PARD3B: variants seen among roughly 807,000 people sequenced by gnomAD.
PARD3B encodes par-3 family cell polarity regulator beta.
PARD3B carries 103 observed loss-of-function variants against 130.2 expected under a neutral mutation model. The observed-to-expected ratio is 0.79, with a 90% CI of 0.67 to 0.93. The LOEUF is 0.93. Among genes scored for constraint, PARD3B ranks in the 40% least tolerant of loss-of-function variants. The pLI, the probability that PARD3B is intolerant of heterozygous loss-of-function variation, is 0.00. For synonymous variants in PARD3B, 583 were observed against 553.2 expected (o/e 1.05, Z -0.76); for missense variants, 1,609 against 1,499.2 (o/e 1.07, Z -1.21).
chr2:204,686,919 C>T (rs560219802), intron 2 of PARD3B, among the ~76,000 whole-genome samples: 2 of 152,118 alleles, frequency 1.3e-5, no homozygotes, highest in Non-Finnish European at 1.5e-5. Context: ...GCAATACACA[C>T]GATTATTGCT....
At chr2:204,876,927 C>T (rs116673858) in intron 2 of PARD3B, among the ~76,000 whole-genome samples, 3,948 of 152,194 alleles carry the variant, frequency 0.026, 88 homozygotes, top group Admixed American at 0.058. Context: ...TGCAGGTCCA[C>T]GTACACATGT....
intron 1 of PARD3B, among the ~76,000 whole-genome samples, chr2:204,547,024 T>G (rs938909987): frequency 3.3e-4 from 50 of 152,336 alleles, no homozygotes; most frequent in African/African-American, 1.2e-3. Flanking sequence ...ATGTCCCAAA[T>G]GCTCCTCAAA....
At chr2:205,492,507 G>A (rs1426920781) in intron 20 of PARD3B, among the ~76,000 whole-genome samples, 3 of 152,216 alleles carry the variant, frequency 2.0e-5, no homozygotes, top group South Asian at 4.1e-4. Context: ...AATTTGAAAT[G>A]GGGGCTACCT....
In PARD3B at chr2:205,553,342, G is replaced by C. The variant is rs930720504; in HGVS notation, c.3199G>C (p.Asp1067His). ...TCCACAGGTGCCTGGAAGGGGTCCA[G>C]ATGGGAATGCACACAACCTCCGCTT... Reference protein sequence around the residue: ...DLLWVPGRGPDGNAHNLRFEG... With the variant: ...DLLWVPGRGPHGNAHNLRFEG... The change falls in exon 22 of 23, where the codon GAT becomes CAT. Residue 1067 changes from aspartate (D) to histidine (H), a missense_variant. Coordinates refer to ENST00000406610, the MANE Select transcript of PARD3B (RefSeq NM_001302769.2). 2 of 1,613,908 alleles carry C rather than the reference G, an allele frequency of 1.2e-6. No homozygotes were observed. Among genetic ancestry groups the C allele is most frequent in the Admixed American group, 1.7e-5 (1 of 60,006 alleles).
intron 1 of PARD3B, among the ~76,000 whole-genome samples, chr2:204,565,549 TACTATCAATTTCATCAGAAACATCTAA>T: frequency 6.6e-6 from 1 of 152,324 alleles, no homozygotes; most frequent in East Asian, 1.9e-4. Flanking sequence ...ATATTAACAT[TACTATCAATTTCATCAGAAACATCTAA>T]GTATTGAGAA....
chr2:205,221,927 G>T (rs1176886572), intron 15 of PARD3B, among the ~76,000 whole-genome samples: 1 of 152,036 alleles, frequency 6.6e-6, no homozygotes, highest in Non-Finnish European at 1.5e-5. Context: ...ACATAGAGGG[G>T]AACAACACAC....
intron 22 of PARD3B, among the ~76,000 whole-genome samples, chr2:205,608,168 T>C (rs748793064): frequency 6.6e-6 from 1 of 152,092 alleles, no homozygotes; most frequent in Non-Finnish European, 1.5e-5. Flanking sequence ...GAGTGTTCTG[T>C]CTCCAGGTAG....
intron 22 of PARD3B, among the ~76,000 whole-genome samples, chr2:205,593,957 TGAG>T (rs2054481626): frequency 6.6e-6 from 1 of 152,296 alleles, no homozygotes; most frequent in East Asian, 1.9e-4. Context: ...TCCACTCTTA[TGAG>T]AAGAAAAGCA....
At chr2:204,853,189 A>G (rs182630212) in intron 2 of PARD3B, among the ~76,000 whole-genome samples, 57 of 152,220 alleles carry the variant, frequency 3.7e-4, no homozygotes, top group African/African-American at 1.2e-3. Context: ...TCTAGCTCCG[A>G]TTTGATAAAC....
chr2:205,443,423 C>G (rs899976755), intron 20 of PARD3B, among the ~76,000 whole-genome samples: 1 of 152,148 alleles, frequency 6.6e-6, no homozygotes, highest in African/African-American at 2.4e-5. Context: ...GATTAAGAAA[C>G]AGTCCCAGGC....
intron 19 of PARD3B, among the ~76,000 whole-genome samples, chr2:205,420,340 T>C (rs1350917582): frequency 6.6e-6 from 1 of 152,206 alleles, no homozygotes; most frequent in South Asian, 2.1e-4. Context: ...TTTAGTAGTA[T>C]TAGGTCATTT....
At chr2:205,489,567 T>TACATATATACATATATATACAC (rs775077563) in intron 20 of PARD3B, among the ~76,000 whole-genome samples, 7 of 147,718 alleles carry the variant, frequency 4.7e-5, no homozygotes, top group African/African-American at 1.5e-4. Flanking sequence ...TACATATATA[T>TACATATATACATATATATACAC]ACACACACAC....
chr2:205,065,821 A>AG (rs71032433), intron 4 of PARD3B, among the ~76,000 whole-genome samples: 152,321 of 152,322 alleles, frequency 1, 76,160 homozygotes, highest in Non-Finnish European at 1. Flanking sequence ...GCCAGAAGCC[A>AG]GGCCATGCCC....
chr2:204,764,738 G>GTGTGTGTGTGTA (rs1417175688), intron 2 of PARD3B, among the ~76,000 whole-genome samples: 1 of 151,854 alleles, frequency 6.6e-6, no homozygotes, highest in Non-Finnish European at 1.5e-5. Flanking sequence ...GTGTGTGTGT[G>GTGTGTGTGTGTA]TGTGTAGTTA....
intron 2 of PARD3B, among the ~76,000 whole-genome samples, chr2:204,824,601 C>T (rs2043497356): frequency 6.6e-6 from 1 of 152,160 alleles, no homozygotes; most frequent in South Asian, 2.1e-4. Context: ...TAGTCTTCTT[C>T]CCACTTCATT....
chr2:204,706,391 A>C (rs2125288542), intron 2 of PARD3B, among the ~76,000 whole-genome samples: 1 of 151,400 alleles, frequency 6.6e-6, no homozygotes, highest in South Asian at 2.1e-4. Flanking sequence ...AAAAAGAAAA[A>C]GAAAAGGGTA....
At chr2:205,126,202 A>G (rs1475895075) in intron 10 of PARD3B, among the ~76,000 whole-genome samples, 1 of 152,194 alleles carries the variant, frequency 6.6e-6, no homozygotes, top group African/African-American at 2.4e-5. Context: ...TATTTAACCT[A>G]TTCTTGAGGG....
At chr2:204,663,145 C>T (rs189458581) in intron 1 of PARD3B, among the ~76,000 whole-genome samples, 67 of 152,258 alleles carry the variant, frequency 4.4e-4, no homozygotes, top group African/African-American at 1.5e-3. Flanking sequence ...TTAATCCAAG[C>T]TGTAACCATG....
intron 16 of PARD3B, among the ~76,000 whole-genome samples, chr2:205,277,048 C>G (rs2040977191): frequency 6.6e-6 from 1 of 152,220 alleles, no homozygotes; most frequent in Non-Finnish European, 1.5e-5. Flanking sequence ...TACAATTAAA[C>G]AAGAGTCCAT....
Sources: gnomAD v4.1 joint callset for allele counts (sites outside exome capture counted in the v4.1 genomes callset) on GRCh38, gnomAD v4.1.1 for gene constraint, MANE v1.5 for transcripts, NCBI Gene and HGNC (gene_info 2026-07-23, HGNC 2026-07-21) for gene names.